SLC25A21: variants seen among roughly 807,000 people sequenced by gnomAD.
The protein encoded by SLC25A21 is solute carrier family 25 member 21.
A neutral mutation model predicts 43.8 loss-of-function variants in SLC25A21; 47 were observed. That is an observed-to-expected ratio of 1.07 (90% CI 0.85 to 1.37). SLC25A21 has a LOEUF of 1.37. Among genes scored for constraint, SLC25A21 ranks in the 40% most tolerant of loss-of-function variants. The probability of loss-of-function intolerance (pLI) is 0.00; values close to 1 mark genes in which losing one functional copy is unlikely to be tolerated. For synonymous variants in SLC25A21, 131 were observed against 121.3 expected (o/e 1.08, Z -0.52); for missense variants, 352 against 350.2 (o/e 1.00, Z -0.04).
intron 1 of SLC25A21, among the ~76,000 whole-genome samples, chr14:37,147,086 G>C (rs1963679302): frequency 6.6e-6 from 1 of 152,130 alleles, no homozygotes; most frequent in Non-Finnish European, 1.5e-5. Flanking sequence ...ACTGGAGTGA[G>C]ACCCTCTAGA....
At chr14:36,971,432 GC>G (rs1356898795) in intron 1 of SLC25A21, among the ~76,000 whole-genome samples, 1 of 152,050 alleles carries the variant, frequency 6.6e-6, no homozygotes, top group Non-Finnish European at 1.5e-5. Context: ...ACAAGATGGC[GC>G]TGGCCAAGTA....
intron 3 of SLC25A21, among the ~76,000 whole-genome samples, chr14:36,794,011 G>C (rs1887585935): frequency 1.3e-5 from 2 of 150,336 alleles, no homozygotes; most frequent in African/African-American, 2.4e-5. Flanking sequence ...AAAGAATACA[G>C]ACTTGGAAAG....
At chr14:37,104,668 T>C (rs1356634200) in intron 1 of SLC25A21, among the ~76,000 whole-genome samples, 1 of 152,160 alleles carries the variant, frequency 6.6e-6, no homozygotes. Context: ...CAAAACAAAA[T>C]AGGAAAGTAT....
chr14:36,864,901 T>C (rs1341363964), intron 2 of SLC25A21, among the ~76,000 whole-genome samples: 2 of 152,194 alleles, frequency 1.3e-5, no homozygotes, highest in Admixed American at 6.5e-5. Flanking sequence ...GGAAATAACC[T>C]TCCCAGCTGC....
intron 1 of SLC25A21, among the ~76,000 whole-genome samples, chr14:36,947,533 C>T (rs1428997965): frequency 6.6e-6 from 1 of 152,136 alleles, no homozygotes; most frequent in African/African-American, 2.4e-5. Context: ...GCTCCACAAA[C>T]ACAGAGCTGG....
chr14:36,724,995 C>T (rs1395801119), intron 6 of SLC25A21, among the ~76,000 whole-genome samples: 2 of 152,194 alleles, frequency 1.3e-5, no homozygotes, highest in East Asian at 3.9e-4. Flanking sequence ...TATATTAGAG[C>T]TCTAAAATAA....
At chr14:36,716,967 G>C (rs76824552) in intron 6 of SLC25A21, among the ~76,000 whole-genome samples, 4,970 of 152,270 alleles carry the variant, frequency 0.033, 269 homozygotes, top group African/African-American at 0.11. Context: ...TGGAATACGG[G>C]TGTTGTACCG....
intron 2 of SLC25A21, among the ~76,000 whole-genome samples, chr14:36,854,771 C>T (rs1474946215): frequency 6.6e-6 from 1 of 152,030 alleles, no homozygotes; most frequent in Non-Finnish European, 1.5e-5. Context: ...TATGAAAGGC[C>T]TTGTATGTCA....
chr14:36,692,051 A>G (rs527967252), intron 7 of SLC25A21, among the ~76,000 whole-genome samples: 150 of 152,356 alleles, frequency 9.8e-4, no homozygotes, highest in Non-Finnish European at 1.7e-3. Context: ...GAGAAGGTGT[A>G]AGTTTTCCAA....
intron 1 of SLC25A21, among the ~76,000 whole-genome samples, chr14:37,105,247 A>G (rs1382993687): frequency 1.3e-5 from 2 of 152,248 alleles, no homozygotes; most frequent in Admixed American, 6.5e-5. Flanking sequence ...AAATAATTAA[A>G]TGTGAAGTCA....
chr14:37,010,017 A>G (rs1435107318), intron 1 of SLC25A21, among the ~76,000 whole-genome samples: 1 of 152,218 alleles, frequency 6.6e-6, no homozygotes, highest in Non-Finnish European at 1.5e-5. Flanking sequence ...TAGAGTCAGA[A>G]TATCTGCTTC....
chr14:37,161,681 C>T (rs912499759), intron 1 of SLC25A21, among the ~76,000 whole-genome samples: 18 of 152,090 alleles, frequency 1.2e-4, no homozygotes, highest in African/African-American at 4.1e-4. Context: ...GAGAGAACGG[C>T]CAGGCACGGT....
chr14:36,951,353 A>G (rs2138661948), intron 1 of SLC25A21, among the ~76,000 whole-genome samples: 1 of 152,298 alleles, frequency 6.6e-6, no homozygotes, highest in African/African-American at 2.4e-5. Flanking sequence ...AAAAATAATA[A>G]TAAACAGGAA....
At position 36,790,558 on chromosome 14, in the gene SLC25A21, G is replaced by T. The variant is rs1887450046; in HGVS notation, c.203+23360C>A. On this transcript the variant is annotated intron_variant, in intron 3 of 9. Transcript: ENST00000331299. Reference sequence around the variant, plus strand: ...CCTATATTGGATAAATACTCAAAATGTTCTCTGTTCTACTCATACTATTTA... The same window carrying T: ...CCTATATTGGATAAATACTCAAAATTTTCTCTGTTCTACTCATACTATTTA... Among the ~76,000 whole-genome samples, 2 of 152,088 alleles carry T rather than the reference G, an allele frequency of 1.3e-5. 1 individual carries two copies. The highest frequency in any genetic ancestry group is 4.1e-4 in the South Asian group (2 of 4,832).
At chr14:37,143,817 T>G (rs1023890450) in intron 1 of SLC25A21, among the ~76,000 whole-genome samples, 3 of 152,190 alleles carry the variant, frequency 2.0e-5, no homozygotes, top group Non-Finnish European at 4.4e-5. Flanking sequence ...GGTTTTCCTA[T>G]CATAGCTTAC....
intron 1 of SLC25A21, among the ~76,000 whole-genome samples, chr14:37,101,519 A>G (rs1015303317): frequency 1.3e-5 from 2 of 152,210 alleles, no homozygotes; most frequent in African/African-American, 4.8e-5. Flanking sequence ...AGCCAGATAA[A>G]TGAAAAATAT....
At chr14:36,929,985 G>A (rs969494513) in intron 1 of SLC25A21, among the ~76,000 whole-genome samples, 1 of 152,080 alleles carries the variant, frequency 6.6e-6, no homozygotes, top group Non-Finnish European at 1.5e-5. Flanking sequence ...TAAGAAGTCC[G>A]ACTTCTCTGA....
At chr14:36,702,033 C>T (rs1312226504) in intron 7 of SLC25A21, among the ~76,000 whole-genome samples, 1 of 152,176 alleles carries the variant, frequency 6.6e-6, no homozygotes, top group Non-Finnish European at 1.5e-5. Context: ...TTCCCATGTC[C>T]ATTTAGTTCC....
intron 1 of SLC25A21, among the ~76,000 whole-genome samples, chr14:37,074,859 A>G (rs1234066043): frequency 6.6e-6 from 1 of 151,810 alleles, no homozygotes; most frequent in Non-Finnish European, 1.5e-5. Context: ...CAATGATTAC[A>G]CTCGTCACTC....
Sources: allele counts gnomAD v4.1 joint callset (sites outside exome capture counted in the v4.1 genomes callset), GRCh38; gene constraint gnomAD v4.1.1; transcripts MANE v1.5; gene names NCBI Gene and HGNC (gene_info 2026-07-23, HGNC 2026-07-21).